The following DGKI variants were observed in gnomAD, a reference collection of about 807,000 sequenced individuals.
DGKI encodes DAG kinase iota.
Under a neutral mutation model 147.5 loss-of-function variants are expected in DGKI, and 55 were observed. The observed-to-expected ratio is 0.37, with a 90% confidence interval of 0.30 to 0.47. The LOEUF is 0.47. DGKI is among the 20% of genes least tolerant of loss of function. The pLI is 1.00. For synonymous variants in DGKI, 469 were observed against 477.1 expected (o/e 0.98, Z 0.22); for missense variants, 1,007 against 1,323.8 (o/e 0.76, Z 3.71).
At position 137,525,182 on chromosome 7, in the gene DGKI, G is replaced by C. The variant is rs529926914; in HGVS notation, c.2148-3216C>G. On this transcript the variant is annotated intron_variant, in intron 20 of 32. Transcript: ENST00000614521. Reference sequence around the variant, plus strand: ...TCTCAGTTCATCTCCAGAATGATCAGCTAAGCAAGACAGAAGAAATCAGAC... The same window carrying C: ...TCTCAGTTCATCTCCAGAATGATCACCTAAGCAAGACAGAAGAAATCAGAC... Among the ~76,000 whole-genome samples the C allele has an allele frequency of 3.9e-5, 6 of 152,214 alleles. No homozygotes were observed. The South Asian group carries it at 8.3e-4, about 21-fold the overall frequency.
At chr7:137,794,375 C>T (rs1796960751) in intron 1 of DGKI, among the ~76,000 whole-genome samples, 1 of 152,148 alleles carries the variant, frequency 6.6e-6, no homozygotes, top group African/African-American at 2.4e-5. Flanking sequence ...TAATATTCTC[C>T]AAGACTTTAG....
intron 23 of DGKI, among the ~76,000 whole-genome samples, chr7:137,480,700 G>T (rs1815341812): frequency 6.6e-6 from 1 of 152,020 alleles, no homozygotes; most frequent in African/African-American, 2.4e-5. Flanking sequence ...AACCATTCTG[G>T]TACTATTTTT....
Position 137,391,016 on chromosome 7 carries a change from T to C in DGKI, c.*204A>G, listed in dbSNP as rs1035911663. 66 of 569,976 alleles carry C rather than the reference T, an allele frequency of 1.2e-4. No individual in the cohort carries two copies. In the Admixed American group the frequency reaches 2.1e-3, roughly 19 times the overall value. 35.3% of individuals were successfully genotyped at this position (569,976 alleles called of 1,614,324 possible). A position where few individuals can be genotyped will look rare whatever the true frequency, so the allele number is the denominator to read the frequency against. ...GTACTGTATTCCACAAATCTCCAGGTATCCTGCCTCCTTCTCAATGGGCTA... is the reference window on the plus strand; with the variant it reads ...GTACTGTATTCCACAAATCTCCAGGCATCCTGCCTCCTTCTCAATGGGCTA... On this transcript the variant is annotated 3_prime_UTR_variant, in exon 33 of 33. Transcript: ENST00000614521.
chr7:137,487,834 TCCCTACACC>T, intron 21 of DGKI, 145 bp from the exon 22 acceptor site: 4 of 690,656 alleles, frequency 5.8e-6, no homozygotes, highest in Non-Finnish European at 9.7e-6. Context: ...AAGTACTTTC[TCCCTACACC>T]TTTTTTATTA....
chr7:137,620,025 AC>A, intron 7 of DGKI, 85 bp from the exon 8 acceptor site: 1 of 665,716 alleles, frequency 1.5e-6, no homozygotes, highest in Non-Finnish European at 2.5e-6. Flanking sequence ...ACACGCACAC[AC>A]ACACACACAC....
At chr7:137,439,369 C>T (rs1048273833) in intron 28 of DGKI, among the ~76,000 whole-genome samples, 3 of 152,124 alleles carry the variant, frequency 2.0e-5, no homozygotes, top group Admixed American at 6.5e-5. Flanking sequence ...TTAATGGACT[C>T]ACAGTTCCAT....
chr7:137,489,125 A>T (rs950059976), intron 21 of DGKI, among the ~76,000 whole-genome samples: 20 of 152,178 alleles, frequency 1.3e-4, no homozygotes, highest in African/African-American at 4.8e-4. Context: ...TAAATCTTTA[A>T]GGCATCCATG....
intron 8 of DGKI, among the ~76,000 whole-genome samples, chr7:137,609,825 G>A (rs1175561287): frequency 6.6e-6 from 1 of 152,092 alleles, no homozygotes; most frequent in African/African-American, 2.4e-5. Context: ...CGGAGAGGCA[G>A]GGAGTAAGAA....
intron 21 of DGKI, chr7:137,513,959 G>C (rs1411988377): frequency 1.3e-6 from 1 of 756,372 alleles, no homozygotes; most frequent in African/African-American, 1.7e-5. Context: ...TTGCACCGTG[G>C]AGGCCACAGG....
intron 1 of DGKI, among the ~76,000 whole-genome samples, chr7:137,793,196 G>C (rs1316347826): frequency 3.3e-5 from 5 of 151,896 alleles, no homozygotes; most frequent in South Asian, 4.2e-4. Context: ...CATTACCTTG[G>C]TCTCTGTCCA....
intron 1 of DGKI, among the ~76,000 whole-genome samples, chr7:137,776,328 G>A (rs1406194507): frequency 6.6e-6 from 1 of 152,152 alleles, no homozygotes; most frequent in African/African-American, 2.4e-5. Flanking sequence ...ATCAATAAAT[G>A]CTTTGAAAAT....
intron 17 of DGKI, among the ~76,000 whole-genome samples, chr7:137,573,425 C>T (rs539995963): frequency 6.6e-6 from 1 of 152,268 alleles, no homozygotes; most frequent in South Asian, 2.1e-4. Flanking sequence ...TTCTTAGAAA[C>T]TTAATCTTGT....
chr7:137,608,084 T>A (rs1271183939), intron 10 of DGKI, among the ~76,000 whole-genome samples: 1 of 152,204 alleles, frequency 6.6e-6, no homozygotes, highest in Admixed American at 6.5e-5. Flanking sequence ...CTTGGACCAG[T>A]GGGTCAATCC....
intron 3 of DGKI, among the ~76,000 whole-genome samples, chr7:137,657,510 T>C (rs17169367): frequency 0.051 from 7,801 of 152,288 alleles, 649 homozygotes; most frequent in African/African-American, 0.17. Context: ...ACTGCCAGTG[T>C]CATGCAGGAT....
intron 1 of DGKI, among the ~76,000 whole-genome samples, chr7:137,831,263 G>A (rs1293915650): frequency 2.0e-5 from 3 of 152,124 alleles, no homozygotes; most frequent in Non-Finnish European, 4.4e-5. Context: ...GAATTTTATC[G>A]GGAAGATGTT....
intron 1 of DGKI, among the ~76,000 whole-genome samples, chr7:137,735,673 C>A (rs917568043): frequency 3.3e-5 from 5 of 152,018 alleles, no homozygotes; most frequent in African/African-American, 1.2e-4. Context: ...TTGGTCACTA[C>A]AAAGAAAGCA....
At chr7:137,712,994 C>G (rs573306087) in intron 1 of DGKI, among the ~76,000 whole-genome samples, 1 of 152,130 alleles carries the variant, frequency 6.6e-6, no homozygotes, top group Non-Finnish European at 1.5e-5. Flanking sequence ...AAGATCTAGA[C>G]AAAACACCCT....
chr7:137,545,863 G>A (rs1255374257), intron 20 of DGKI: 1 of 695,866 alleles, frequency 1.4e-6, no homozygotes, highest in Admixed American at 2.0e-5. Context: ...GACGAGGCTG[G>A]GGAGAAAATG....
chr7:137,582,162 CACAAAT>C (rs1219626293), intron 14 of DGKI, among the ~76,000 whole-genome samples: 4 of 151,964 alleles, frequency 2.6e-5, no homozygotes. Context: ...AGAAATGTGT[CACAAAT>C]ACAAATTATT....
Sources: allele counts gnomAD v4.1 joint callset (sites outside exome capture counted in the v4.1 genomes callset), GRCh38; gene constraint gnomAD v4.1.1; transcripts MANE v1.5; gene names NCBI Gene and HGNC (gene_info 2026-07-23, HGNC 2026-07-21).